Variants in IPO13 observed in about 807,000 individuals in gnomAD.
The protein encoded by IPO13 is importin-13.
A neutral mutation model predicts 115.5 loss-of-function variants in IPO13; 28 were observed. That is an observed-to-expected ratio of 0.24 (90% CI 0.18 to 0.33). The LOEUF (loss-of-function observed/expected upper bound fraction) is 0.33, where lower values mean the gene tolerates loss of function less well. Among genes scored for constraint, IPO13 ranks in the 10% least tolerant of loss-of-function variants. The pLI is 1.00. For missense variants in IPO13, 785 were observed against 1,204.6 expected (o/e 0.65, Z 5.16); for synonymous variants, 414 against 478.9 (o/e 0.86, Z 1.77).
At chr1:43,957,663 A>C in intron 7 of IPO13, 114 bp downstream of exon 7, 11 of 1,265,818 alleles carry the variant, frequency 8.7e-6, no homozygotes, top group South Asian at 1.4e-5. Context: ...CCTACACACA[A>C]TCAGTGTTGT....
intron 14 of IPO13, among the ~76,000 whole-genome samples, chr1:43,961,965 C>G (rs2085293332): frequency 6.6e-6 from 1 of 152,128 alleles, no homozygotes; most frequent in South Asian, 2.1e-4. Context: ...CTCGTGTTGT[C>G]TAATCCAGGC....
chr1:43,947,137 GCT>G lies in IPO13; in HGVS notation c.-454_-453del, dbSNP rs1183226207. ...TTGGACGCCTCCGTAACCACGAAGG[GCT>G]CTCTCTCTCCCGTGACCCTCCAGCC... On this transcript the variant is annotated 5_prime_UTR_variant, in exon 1 of 20. Coordinates refer to ENST00000372343, the MANE Select transcript of IPO13 (RefSeq NM_014652.4). 6 of 398,730 alleles carry G rather than the reference GCT, an allele frequency of 1.5e-5. No homozygotes were observed. Among genetic ancestry groups the G allele is most frequent in the South Asian group, 2.5e-4 (2 of 7,872 alleles). The allele number at this position is 398,730 out of a possible 1,614,324, so 24.7% of individuals were successfully genotyped here. A position where few individuals can be genotyped will look rare whatever the true frequency, so the allele number is the denominator to read the frequency against.
chr1:43,958,662 G>T lies in IPO13; in HGVS notation c.1884+67G>T. 2 of 1,612,248 alleles carry T rather than the reference G, an allele frequency of 1.2e-6. No individual in the cohort carries two copies. Among genetic ancestry groups the T allele is most frequent in the Non-Finnish European group, 1.7e-6 (2 of 1,178,684 alleles). ...GTGGCTGATGAGGGGTGAGGTTGGA[G>T]CTGGCCCTCAGAGCTGAGGCTCAGT... is the stretch of plus-strand genomic sequence containing the variant. On this transcript the variant is annotated intron_variant, in intron 10 of 19. Coordinates refer to ENST00000372343, the MANE Select transcript of IPO13 (RefSeq NM_014652.4). The surrounding 1 kb of genome is among the most constrained non-coding windows in gnomAD (Gnocchi z 6.3).
Position 43,967,989 on chromosome 1 carries a change from C to T in IPO13, c.*307C>T, listed in dbSNP as rs1465500880. On this transcript the variant is annotated 3_prime_UTR_variant, in exon 20 of 20. Transcript: ENST00000372343. The surrounding 1 kb of genome is among the most constrained non-coding windows in gnomAD (Gnocchi z 6.1). ...GGGTGGTTGCAGTAGTGTCATCAAC[C>T]CCCCCATCCCCATTAAATTAATCCC... 1.2e-5 allele frequency: 6 copies of T among 482,600 alleles called. No homozygotes were observed. Among genetic ancestry groups the T allele is most frequent in the Non-Finnish European group, 1.5e-5 (4 of 266,130 alleles). 29.9% of individuals were successfully genotyped at this position (482,600 alleles called of 1,614,324 possible).
At chr1:43,960,813 G>A in intron 12 of IPO13, 63 bp from the exon 13 acceptor site, 1 of 1,596,648 alleles carries the variant, frequency 6.3e-7, no homozygotes, top group Non-Finnish European at 8.5e-7. Context: ...TCTGTGCAGG[G>A]CTTCAGCGCT....
intron 15 of IPO13, chr1:43,965,881 G>C (rs1360057961): frequency 1.2e-5 from 2 of 161,292 alleles, no homozygotes; most frequent in Non-Finnish European, 2.7e-5. Flanking sequence ...AGCATCTCCT[G>C]TGACCTGAGG....
chr1:43,956,761 T>G lies in IPO13; in HGVS notation c.1105-49T>G. On this transcript the variant is annotated intron_variant, in intron 4 of 19. Coordinates refer to ENST00000372343, the MANE Select transcript of IPO13 (RefSeq NM_014652.4). This position sits in a 1 kb window ranked among gnomAD's most constrained non-coding sequence, Gnocchi z 4.7. ...TGGTGGAAGAAGGTGGATCATGGGC[T>G]TCTATGACTGCTGGTGAGGTGGCTA... 1 of 1,613,648 alleles carries G rather than the reference T, an allele frequency of 6.2e-7. No individual in the cohort carries two copies. Among genetic ancestry groups the G allele is most frequent in the Middle Eastern group, 1.7e-4 (1 of 6,058 alleles).
Position 43,947,544 on chromosome 1 carries a change from A to T in IPO13, c.-57A>T. The stretch of plus-strand genomic sequence containing the variant: ...GGGTCTAGCAGGGGGCCAGCAGCCA[A>T]GGGGCTGGGGCAGGAGACAGATCAG... On this transcript the variant is annotated 5_prime_UTR_variant, in exon 1 of 20. In the 5' UTR this introduces an upstream ATG that the reference lacks. Transcript: ENST00000372343. The T allele has an allele frequency of 9.6e-7, 1 of 1,040,362 alleles. No individual in the cohort carries two copies. The highest frequency in any genetic ancestry group is 1.3e-6 in the Non-Finnish European group (1 of 799,930). 64.4% of individuals were successfully genotyped at this position (1,040,362 alleles called of 1,614,324 possible). A position where few individuals can be genotyped will look rare whatever the true frequency, so the allele number is the denominator to read the frequency against.
intron 2 of IPO13, 35 bp downstream of exon 2, chr1:43,950,188 C>G (rs747638471): frequency 6.4e-7 from 1 of 1,564,402 alleles, no homozygotes; most frequent in South Asian, 1.2e-5. Flanking sequence ...AAGACAACCT[C>G]TTTGGCCAGC....
At position 43,947,351 on chromosome 1, in the gene IPO13, G is replaced by C; in HGVS notation, c.-250G>C. ...CTGCCACTAGGATCCCCGCCTGAGA[G>C]CTCCTCACTGACGGCTCCCTCCTCG... On this transcript the variant is annotated 5_prime_UTR_variant, in exon 1 of 20. Coordinates refer to ENST00000372343, the MANE Select transcript of IPO13 (RefSeq NM_014652.4). 1 of 399,224 alleles carries C rather than the reference G, an allele frequency of 2.5e-6. No individual in the cohort carries two copies. The highest frequency in any genetic ancestry group is 2.1e-5 in the African/African-American group (1 of 48,768). The allele number at this position is 399,224 out of a possible 1,614,324, so 24.7% of individuals were successfully genotyped here. A position where few individuals can be genotyped will look rare whatever the true frequency, so the allele number is the denominator to read the frequency against.
At position 43,966,688 on chromosome 1, in the gene IPO13, G is replaced by A; in HGVS notation, c.2465-36G>A. The A allele has an allele frequency of 6.2e-7, 1 of 1,614,178 alleles. No homozygotes were observed. Among genetic ancestry groups the A allele is most frequent in the Non-Finnish European group, 8.5e-7 (1 of 1,179,998 alleles). ...GGTGGGCCTGGGGCTCCCCTAGAAG[G>A]ATCGTTAAACTGATCTGCCTCTGCC... On this transcript the variant is annotated intron_variant, in intron 16 of 19. Coordinates refer to ENST00000372343, the MANE Select transcript of IPO13 (RefSeq NM_014652.4). The surrounding 1 kb of genome is among the most constrained non-coding windows in gnomAD (Gnocchi z 4.1).
Position 43,949,406 on chromosome 1 carries a change from C to G in IPO13, c.85-11C>G, listed in dbSNP as rs1419450536. On this transcript the variant is annotated splice_polypyrimidine_tract_variant and intron_variant, in intron 1 of 19. Coordinates refer to ENST00000372343, the MANE Select transcript of IPO13 (RefSeq NM_014652.4). The stretch of plus-strand genomic sequence containing the variant: ...TGGCCAGCACCTGCTCAGTCCTGTG[C>G]TGTCCTGCAGGCGCTGCACCAGCTC... 6.3e-7 allele frequency: 1 copy of G among 1,586,118 alleles called. No individual in the cohort carries two copies. Among genetic ancestry groups the G allele is most frequent in the Non-Finnish European group, 8.6e-7 (1 of 1,165,590 alleles).
Position 43,949,745 on chromosome 1 carries a change from C to G in IPO13, c.413C>G (p.Ala138Gly). The part of the protein sequence containing the change: ...ASLALSMMPD[A>G]WPCAVADMVR... ...CTGGCTCTCAGCATGATGCCTGACG[C>G]TTGGCCATGTGCTGTGGCAGATATG... The change falls in exon 2 of 20, where the codon GCT becomes GGT. Residue 138 changes from alanine to glycine, a missense_variant. Physicochemically the swap from Ala to Gly is moderately conservative, Grantham distance 60 (BLOSUM62 0). This residue lies in a region of IPO13 where 325 missense variants were observed against 449.8 expected (regional missense o/e 0.72). Coordinates refer to ENST00000372343, the MANE Select transcript of IPO13 (RefSeq NM_014652.4). 6.2e-7 allele frequency: 1 copy of G among 1,614,178 alleles called. No individual in the cohort carries two copies. The highest frequency in any genetic ancestry group is 8.5e-7 in the Non-Finnish European group (1 of 1,180,004).
intron 12 of IPO13, 51 bp downstream of exon 12, chr1:43,960,380 A>G: frequency 1.3e-6 from 2 of 1,514,134 alleles, no homozygotes; most frequent in Non-Finnish European, 1.8e-6. Flanking sequence ...TCAGAGGTGT[A>G]GCAGGGTAAG....
In IPO13 at chr1:43,956,042, G is replaced by A. The variant is rs922155269; in HGVS notation, c.822-278G>A. Among the ~76,000 whole-genome samples the A allele has an allele frequency of 7.3e-5, 11 of 149,864 alleles. No individual in the cohort carries two copies. In the South Asian group the frequency reaches 8.5e-4, roughly 12 times the overall value. ...AAAAAAAAAAATCTTAACCCATTCC[G>A]GAATCAGCTCTCAGTCCAACTGGAG... is the stretch of plus-strand genomic sequence containing the variant. On this transcript the variant is annotated intron_variant, in intron 2 of 19. Coordinates refer to ENST00000372343, the MANE Select transcript of IPO13 (RefSeq NM_014652.4). The surrounding 1 kb of genome is among the most constrained non-coding windows in gnomAD (Gnocchi z 4.7).
chr1:43,947,535 C>A lies in IPO13; in HGVS notation c.-66C>A. On this transcript the variant is annotated 5_prime_UTR_variant, in exon 1 of 20. Transcript: ENST00000372343. ...CCCAAGCCGGGGTCTAGCAGGGGGC[C>A]AGCAGCCAAGGGGCTGGGGCAGGAG... 1 of 971,130 alleles carries A rather than the reference C, an allele frequency of 1.0e-6. No homozygotes were observed. Among genetic ancestry groups the A allele is most frequent in the Non-Finnish European group, 1.4e-6 (1 of 739,324 alleles). 60.2% of individuals were successfully genotyped at this position (971,130 alleles called of 1,614,324 possible).
chr1:43,956,231 T>A lies in IPO13; in HGVS notation c.822-89T>A, dbSNP rs2085247135. The A allele has an allele frequency of 2.1e-6, 3 of 1,452,462 alleles. No homozygotes were observed. Among genetic ancestry groups the A allele is most frequent in the Non-Finnish European group, 2.8e-6 (3 of 1,057,572 alleles). The allele number at this position is 1,452,462 out of a possible 1,614,324, so 90.0% of individuals were successfully genotyped here. A position where few individuals can be genotyped will look rare whatever the true frequency, so the allele number is the denominator to read the frequency against. ...TTTGATAAGGGAAGGGGAGCTTTGA[T>A]GGAAGACAAGGAGATTATGCCTTTC... is the stretch of plus-strand genomic sequence containing the variant. On this transcript the variant is annotated intron_variant, in intron 2 of 19. Transcript: ENST00000372343. This position sits in a 1 kb window ranked among gnomAD's most constrained non-coding sequence, Gnocchi z 4.7.
intron 1 of IPO13, among the ~76,000 whole-genome samples, chr1:43,948,708 C>CA (rs1179819494): frequency 6.6e-6 from 1 of 152,228 alleles, no homozygotes; most frequent in Non-Finnish European, 1.5e-5. Flanking sequence ...AGATAAATCT[C>CA]ACTGTTTTCT....
At position 43,967,039 on chromosome 1, in the gene IPO13, G is replaced by T. The variant is rs963275626; in HGVS notation, c.2613+20G>T. The T allele has an allele frequency of 1.2e-6, 2 of 1,608,848 alleles. No individual in the cohort carries two copies. The highest frequency in any genetic ancestry group is 1.7e-6 in the Non-Finnish European group (2 of 1,175,466). ...CTGGAGGTGAGACGGAGCAAAGGGGGGTTTGATGGGGGTGAGGGCCCCTCA... is the reference window on the plus strand; with the variant it reads ...CTGGAGGTGAGACGGAGCAAAGGGGTGTTTGATGGGGGTGAGGGCCCCTCA... On this transcript the variant is annotated intron_variant, in intron 18 of 19. Transcript: ENST00000372343. This position sits in a 1 kb window ranked among gnomAD's most constrained non-coding sequence, Gnocchi z 6.1.
Sources: allele counts gnomAD v4.1 joint callset (sites outside exome capture counted in the v4.1 genomes callset), GRCh38; gene constraint gnomAD v4.1.1; regional missense constraint gnomAD v4.1.1; non-coding constraint Gnocchi (gnomAD v3.1); transcripts MANE v1.5; gene names NCBI Gene and HGNC (gene_info 2026-07-23, HGNC 2026-07-21).